The following YEATS4 variants were observed in gnomAD, a reference collection of about 807,000 sequenced individuals.
YEATS4 encodes YEATS domain containing 4, also known as YEATS domain-containing protein 4.
Under a neutral mutation model 30.1 loss-of-function variants are expected in YEATS4, and 17 were observed. The ratio of observed to expected loss-of-function variants is 0.56; its 90% confidence interval spans 0.39 to 0.85. The LOEUF (loss-of-function observed/expected upper bound fraction) is 0.85, where lower values mean the gene tolerates loss of function less well. Among genes scored for constraint, YEATS4 ranks in the 40% least tolerant of loss-of-function variants. YEATS4 has a pLI of 0.00. For missense variants in YEATS4, 142 were observed against 268.3 expected, an observed-to-expected ratio of 0.53 and a Z score of 3.29; for synonymous variants, 85 against 87.5, an observed-to-expected ratio of 0.97 and a Z score of 0.16.
chr12:69,370,182 T>C (rs1324916765), intron 4 of YEATS4, among the ~76,000 whole-genome samples: 1 of 152,220 alleles, frequency 6.6e-6, no homozygotes, highest in Non-Finnish European at 1.5e-5. Context: ...TACCTGTTTT[T>C]AGGTATTTGA....
chr12:69,387,890 T>C (rs1428840993), intron 6 of YEATS4, among the ~76,000 whole-genome samples: 1 of 152,196 alleles, frequency 6.6e-6, no homozygotes. Context: ...TCTTTTAATT[T>C]GTAATCTTGT....
chr12:69,421,371 A>G, the YEATS4 span, among the ~76,000 whole-genome samples: 17,510 of 152,196 alleles, frequency 0.12, 1,216 homozygotes, highest in East Asian at 0.19. Flanking sequence ...CTGAGTAAAA[A>G]CATTATTTTC....
chr12:69,361,075 G>A (rs1464287639), intron 1 of YEATS4, among the ~76,000 whole-genome samples: 1 of 151,782 alleles, frequency 6.6e-6, no homozygotes. Context: ...GCGGGCACCT[G>A]TAATCCCAGC....
chr12:69,417,856 GAAAA>G, the YEATS4 span, among the ~76,000 whole-genome samples: 19 of 101,964 alleles, frequency 1.9e-4, no homozygotes, highest in African/African-American at 3.6e-4. Flanking sequence ...TTACAATAGG[GAAAA>G]AAAAAAAAAA....
chr12:69,375,233 G>A (rs1875813283), intron 6 of YEATS4, among the ~76,000 whole-genome samples: 2 of 151,416 alleles, frequency 1.3e-5, no homozygotes, highest in Admixed American at 6.6e-5. Context: ...CGGGGTGGCG[G>A]CGGGGCAGAG....
the YEATS4 span, among the ~76,000 whole-genome samples, chr12:69,424,587 C>G: frequency 6.6e-6 from 1 of 152,264 alleles, no homozygotes; most frequent in African/African-American, 2.4e-5. Context: ...AGGGAGAGAC[C>G]TGGTGGGAGG....
intron 6 of YEATS4, among the ~76,000 whole-genome samples, chr12:69,376,226 C>T (rs1289522945): frequency 2.0e-5 from 3 of 152,092 alleles, no homozygotes; most frequent in African/African-American, 7.2e-5. Context: ...ATTAACCGAG[C>T]ATGGTGGCAT....
At chr12:69,416,289 T>C in the YEATS4 span, among the ~76,000 whole-genome samples, 1 of 152,212 alleles carries the variant, frequency 6.6e-6, no homozygotes, top group African/African-American at 2.4e-5. Context: ...TTCAATCCTC[T>C]GATGTGTTTA....
chr12:69,383,524 A>G (rs1405047059), intron 6 of YEATS4, among the ~76,000 whole-genome samples: 1 of 152,234 alleles, frequency 6.6e-6, no homozygotes, highest in Non-Finnish European at 1.5e-5. Flanking sequence ...GATAACCAGC[A>G]AAGGGAATGA....
chr12:69,401,597 C>T, the YEATS4 span, among the ~76,000 whole-genome samples: 5 of 152,252 alleles, frequency 3.3e-5, no homozygotes, highest in South Asian at 6.2e-4. Flanking sequence ...TTGGAGTATC[C>T]GCTGAAGTAT....
At chr12:69,362,198 A>G (rs1875249726) in intron 1 of YEATS4, among the ~76,000 whole-genome samples, 1 of 151,756 alleles carries the variant, frequency 6.6e-6, no homozygotes, top group Non-Finnish European at 1.5e-5. Context: ...TTGTATTTTT[A>G]GTAGAGGTGG....
chr12:69,408,868 A>G, the YEATS4 span, among the ~76,000 whole-genome samples: 1 of 152,190 alleles, frequency 6.6e-6, no homozygotes, highest in Non-Finnish European at 1.5e-5. Flanking sequence ...GAGCTCGCCC[A>G]TCAAAAATAG....
chr12:69,411,464 C>T, the YEATS4 span, among the ~76,000 whole-genome samples: 1 of 152,184 alleles, frequency 6.6e-6, no homozygotes, highest in East Asian at 1.9e-4. Flanking sequence ...AATATGTCAG[C>T]AAATAAACAA....
intron 6 of YEATS4, among the ~76,000 whole-genome samples, chr12:69,371,262 C>T: frequency 6.6e-6 from 1 of 152,146 alleles, no homozygotes; most frequent in Non-Finnish European, 1.5e-5. Flanking sequence ...ATTAGTCTTG[C>T]TTAGCCTATC....
At chr12:69,362,728 A>T in intron 1 of YEATS4, 60 bp from the exon 2 acceptor site, 1 of 1,343,094 alleles carries the variant, frequency 7.4e-7, no homozygotes, top group South Asian at 1.6e-5. Context: ...CAGAGCTCTT[A>T]TTCTGCATAT....
At chr12:69,418,768 T>C in the YEATS4 span, among the ~76,000 whole-genome samples, 1 of 152,144 alleles carries the variant, frequency 6.6e-6, no homozygotes, top group African/African-American at 2.4e-5. Flanking sequence ...ACCTTCATCA[T>C]AATTGCCAAT....
chr12:69,394,299 G>T (rs936145445), downstream of YEATS4, among the ~76,000 whole-genome samples: 4 of 152,100 alleles, frequency 2.6e-5, no homozygotes, highest in Non-Finnish European at 5.9e-5. Flanking sequence ...AATAAAAATA[G>T]CCTAAAGGAA....
downstream of YEATS4, among the ~76,000 whole-genome samples, chr12:69,391,557 A>G (rs193058016): frequency 3.3e-5 from 5 of 152,250 alleles, no homozygotes; most frequent in Admixed American, 6.5e-5. Flanking sequence ...GTTACTTTTT[A>G]CTTTGTGGCT....
At chr12:69,418,096 C>A in the YEATS4 span, among the ~76,000 whole-genome samples, 46,902 of 152,000 alleles carry the variant, frequency 0.31, 7,657 homozygotes, top group East Asian at 0.57. Context: ...GGATTGTCTC[C>A]TATTTGGGAA....
Sources: gnomAD v4.1 joint callset for allele counts (sites outside exome capture counted in the v4.1 genomes callset) on GRCh38, gnomAD v4.1.1 for gene constraint, MANE v1.5 for transcripts, NCBI Gene and HGNC (gene_info 2026-07-23, HGNC 2026-07-21) for gene names.